CHAF1A: variants seen among roughly 807,000 people sequenced by gnomAD.
The protein encoded by CHAF1A is chromatin assembly factor 1 subunit A.
Under a neutral mutation model 93.2 loss-of-function variants are expected in CHAF1A, and 5 were observed. The ratio of observed to expected loss-of-function variants is 0.05; its 90% CI spans 0.03 to 0.11. CHAF1A has a LOEUF of 0.11. Among genes scored for constraint, CHAF1A ranks in the 10% least tolerant of loss-of-function variants. CHAF1A has a pLI of 1.00. For synonymous variants in CHAF1A, 504 were observed against 510.3 expected, an observed-to-expected ratio of 0.99 and a Z score of 0.17; for missense variants, 1,102 against 1,259.9, an observed-to-expected ratio of 0.87 and a Z score of 1.90.
chr19:4,428,453 C>T (rs1482116536), intron 7 of CHAF1A, among the ~76,000 whole-genome samples: 1 of 152,090 alleles, frequency 6.6e-6, no homozygotes, highest in Non-Finnish European at 1.5e-5. Context: ...TGTAGTCTGT[C>T]CCCCCACCGC....
downstream of CHAF1A, chr19:4,446,741 G>A (rs1205975821): frequency 6.2e-7 from 1 of 1,609,734 alleles, no homozygotes; most frequent in East Asian, 2.2e-5. Flanking sequence ...CAGGACATGG[G>A]TGTCACTGTG....
At chr19:4,440,501 C>T (rs1319511100) in intron 13 of CHAF1A, among the ~76,000 whole-genome samples, 2 of 151,162 alleles carry the variant, frequency 1.3e-5, no homozygotes, top group Admixed American at 6.6e-5. Context: ...CCCATCTTCT[C>T]AGGAGGCTGA....
At chr19:4,418,778 G>C (rs1443264512) in intron 4 of CHAF1A, among the ~76,000 whole-genome samples, 1 of 152,120 alleles carries the variant, frequency 6.6e-6, no homozygotes, top group East Asian at 1.9e-4. Flanking sequence ...CACTCGATGG[G>C]TGGTTATCCT....
At chr19:4,412,026 T>C (rs752805620) in intron 3 of CHAF1A, among the ~76,000 whole-genome samples, 13 of 152,150 alleles carry the variant, frequency 8.5e-5, no homozygotes, top group Non-Finnish European at 1.8e-4. Context: ...GATTATTTTA[T>C]CACTCAGGTA....
At chr19:4,450,817 A>G in the CHAF1A span, 4 of 151,816 alleles carry the variant, frequency 2.6e-5, no homozygotes, top group African/African-American at 9.7e-5. Context: ...TAAAAAGACA[A>G]ACTATCTACT....
intron 3 of CHAF1A, among the ~76,000 whole-genome samples, chr19:4,415,362 C>G (rs1052298364): frequency 1.3e-5 from 2 of 152,164 alleles, no homozygotes; most frequent in Non-Finnish European, 1.5e-5. Flanking sequence ...AGTCTGTTAT[C>G]TCTGGACTCA....
chr19:4,426,856 C>T (rs1168924511), intron 7 of CHAF1A, among the ~76,000 whole-genome samples: 1 of 151,912 alleles, frequency 6.6e-6, no homozygotes, highest in Non-Finnish European at 1.5e-5. Context: ...TTGGGGAGGC[C>T]AAGGCGGGTG....
chr19:4,448,447 C>A (rs559142839), downstream of CHAF1A: 1 of 1,567,972 alleles, frequency 6.4e-7, no homozygotes, highest in East Asian at 2.3e-5. Flanking sequence ...AAGCCACTCA[C>A]TGAGAGCCCG....
chr19:4,417,007 A>AT (rs879553155), intron 3 of CHAF1A, among the ~76,000 whole-genome samples: 140 of 149,930 alleles, frequency 9.3e-4, no homozygotes, highest in African/African-American at 2.6e-3. Context: ...GTATCTTTTT[A>AT]TTTTTTTTTT....
chr19:4,418,504 C>T (rs1231483810), intron 4 of CHAF1A, among the ~76,000 whole-genome samples: 1 of 149,978 alleles, frequency 6.7e-6, no homozygotes, highest in East Asian at 2.0e-4. Context: ...CAAGCTCCAC[C>T]TCCCAGGTTC....
At chr19:4,425,410 TC>T (rs1974064024) in intron 7 of CHAF1A, among the ~76,000 whole-genome samples, 1 of 151,782 alleles carries the variant, frequency 6.6e-6, no homozygotes, top group Non-Finnish European at 1.5e-5. Context: ...CTGCCACCAC[TC>T]CCAGCTAATT....
At chr19:4,431,674 A>G (rs1344342044) in intron 11 of CHAF1A, among the ~76,000 whole-genome samples, 4 of 152,148 alleles carry the variant, frequency 2.6e-5, no homozygotes, top group African/African-American at 9.7e-5. Context: ...ACGATCACAC[A>G]TTCACCAGAA....
chr19:4,406,752 C>G (rs1224533897), intron 2 of CHAF1A, among the ~76,000 whole-genome samples: 1 of 152,040 alleles, frequency 6.6e-6, no homozygotes, highest in Non-Finnish European at 1.5e-5. Flanking sequence ...TTTTTAGAAA[C>G]TACAGTTTTG....
At chr19:4,447,563 T>C (rs756394194), downstream of CHAF1A, 17 of 1,613,448 alleles carry the variant, frequency 1.1e-5, no homozygotes, top group Non-Finnish European at 1.4e-5. Context: ...AAACACCTTG[T>C]TCTGCAGCTT....
intron 7 of CHAF1A, among the ~76,000 whole-genome samples, chr19:4,427,266 C>T (rs1460840030): frequency 8.2e-5 from 12 of 146,614 alleles, no homozygotes; most frequent in South Asian, 2.2e-4. Flanking sequence ...TCTCCTGCCT[C>T]AGCCTCCTGA....
intron 3 of CHAF1A, among the ~76,000 whole-genome samples, chr19:4,411,651 T>TTTTTTTTTTTTTTTTTTTTG (rs1973805062): frequency 8.0e-6 from 1 of 125,784 alleles, no homozygotes; most frequent in Non-Finnish European, 1.7e-5. Flanking sequence ...AATCTTTTTT[T>TTTTTTTTTTTTTTTTTTTTG]TTTTTTTTTT....
chr19:4,446,469 C>T (rs757396756), downstream of CHAF1A: 3 of 1,592,040 alleles, frequency 1.9e-6, no homozygotes, highest in African/African-American at 1.3e-5. Flanking sequence ...CCCCGCCCCG[C>T]CCCACTCTGC....
chr19:4,412,196 A>G (rs1973817741), intron 3 of CHAF1A, among the ~76,000 whole-genome samples: 1 of 152,206 alleles, frequency 6.6e-6, no homozygotes, highest in African/African-American at 2.4e-5. Flanking sequence ...AATTTCTTCC[A>G]GGCTGCTGCC....
chr19:4,419,498 C>T (rs938011503), intron 4 of CHAF1A, among the ~76,000 whole-genome samples: 12 of 151,952 alleles, frequency 7.9e-5, no homozygotes, highest in African/African-American at 2.7e-4. Flanking sequence ...GGTGCAATCT[C>T]GGCTCACTGC....
Sources: allele counts gnomAD v4.1 joint callset (sites outside exome capture counted in the v4.1 genomes callset), GRCh38; gene constraint gnomAD v4.1.1; transcripts MANE v1.5; gene names NCBI Gene and HGNC (gene_info 2026-07-23, HGNC 2026-07-21).